Variants in AKT3 observed in about 807,000 individuals in gnomAD.
The protein encoded by AKT3 is AKT serine/threonine kinase 3.
A neutral mutation model predicts 65.3 loss-of-function variants in AKT3; 15 were observed. The ratio of observed to expected loss-of-function variants is 0.23; its 90% confidence interval spans 0.15 to 0.35. The LOEUF (loss-of-function observed/expected upper bound fraction) is 0.35, where lower values mean the gene tolerates loss of function less well. Ranked by LOEUF, AKT3 falls within the 10% of genes least tolerant of loss-of-function variation. The pLI is 1.00. For missense variants in AKT3, 243 were observed against 576.5 expected (o/e 0.42, Z 5.92); for synonymous variants, 206 against 183.8 (o/e 1.12, Z -0.98).
chr1:243,783,121 A>G (rs1691016215), intron 2 of AKT3, among the ~76,000 whole-genome samples: 1 of 152,068 alleles, frequency 6.6e-6, no homozygotes, highest in Non-Finnish European at 1.5e-5. Flanking sequence ...CTGGAGTGAC[A>G]AGAGTGTCCT....
At chr1:243,770,021 A>G (rs1558794744) in intron 2 of AKT3, among the ~76,000 whole-genome samples, 1 of 152,298 alleles carries the variant, frequency 6.6e-6, no homozygotes, top group East Asian at 1.9e-4. Context: ...TCATTCTTTT[A>G]TATGTGGAAA....
chr1:243,546,471 T>C (rs1334362976), intron 11 of AKT3: 11 of 152,198 alleles, frequency 7.2e-5, no homozygotes, highest in Non-Finnish European at 1.5e-4. Flanking sequence ...AAAATAAACC[T>C]ATTTAAATCT....
chr1:243,607,813 G>A (rs755134641), intron 8 of AKT3, among the ~76,000 whole-genome samples: 44 of 152,128 alleles, frequency 2.9e-4, no homozygotes, highest in Non-Finnish European at 5.1e-4. Flanking sequence ...GCCCTGGTGC[G>A]TAATTTAATT....
chr1:243,754,898 C>CT (rs1388763696), intron 2 of AKT3, among the ~76,000 whole-genome samples: 2 of 152,090 alleles, frequency 1.3e-5, no homozygotes, highest in Non-Finnish European at 2.9e-5. Flanking sequence ...GGACAGCCTG[C>CT]TATGACGAGG....
intron 10 of AKT3, among the ~76,000 whole-genome samples, chr1:243,558,758 G>A (rs1050697976): frequency 3.9e-5 from 6 of 151,940 alleles, no homozygotes; most frequent in African/African-American, 1.4e-4. Context: ...GTCACCATCT[G>A]CCTCTTTTTA....
chr1:243,516,637 C>G (rs1670373309), intron 12 of AKT3, among the ~76,000 whole-genome samples: 1 of 152,120 alleles, frequency 6.6e-6, no homozygotes, highest in South Asian at 2.1e-4. Flanking sequence ...ACTGAAGCCT[C>G]AAAACTCCTG....
At chr1:243,706,550 A>G (rs538533735) in intron 2 of AKT3, among the ~76,000 whole-genome samples, 3 of 152,306 alleles carry the variant, frequency 2.0e-5, no homozygotes, top group Non-Finnish European at 4.4e-5. Context: ...AGAAAAGTCT[A>G]GTAGTATGGA....
At chr1:243,773,623 GC>G (rs199649280) in intron 2 of AKT3, among the ~76,000 whole-genome samples, 1 of 151,620 alleles carries the variant, frequency 6.6e-6, no homozygotes, top group African/African-American at 2.4e-5. Flanking sequence ...AGACCCCATC[GC>G]CCCCCACAAA....
At chr1:243,719,343 A>G (rs181221102) in intron 2 of AKT3, among the ~76,000 whole-genome samples, 7 of 152,282 alleles carry the variant, frequency 4.6e-5, no homozygotes, top group Admixed American at 4.6e-4. Flanking sequence ...ATTCCCTAAC[A>G]AAACATTCCA....
At chr1:243,836,981 G>C (rs951829544) in intron 2 of AKT3, among the ~76,000 whole-genome samples, 2 of 150,640 alleles carry the variant, frequency 1.3e-5, no homozygotes, top group African/African-American at 4.9e-5. Flanking sequence ...AAAAAAGAGA[G>C]CAAGTATATA....
chr1:243,585,975 ACTAT>A (rs1188014617), intron 8 of AKT3, among the ~76,000 whole-genome samples: 2 of 152,152 alleles, frequency 1.3e-5, no homozygotes, highest in African/African-American at 4.8e-5. Context: ...ATATTCATAA[ACTAT>A]CTGACAAAGG....
chr1:243,546,063 G>A (rs1205758597), intron 11 of AKT3, among the ~76,000 whole-genome samples: 1 of 152,146 alleles, frequency 6.6e-6, no homozygotes, highest in East Asian at 1.9e-4. Context: ...GGAGGTAACT[G>A]AATCATGGGG....
intron 11 of AKT3, among the ~76,000 whole-genome samples, chr1:243,549,013 G>C (rs1291945323): frequency 2.0e-5 from 3 of 152,050 alleles, no homozygotes; most frequent in Non-Finnish European, 4.4e-5. Flanking sequence ...TTCTCCCCCT[G>C]AAACTGAGGT....
intron 6 of AKT3, chr1:243,625,146 TTTTGA>T (rs1398844307): frequency 1.7e-5 from 2 of 117,246 alleles, no homozygotes; most frequent in East Asian, 2.4e-4. Context: ...TTTTTTTTTT[TTTTGA>T]GAGGGAGTCT....
chr1:243,756,466 C>G (rs1268358031), intron 2 of AKT3, among the ~76,000 whole-genome samples: 1 of 152,128 alleles, frequency 6.6e-6, no homozygotes, highest in Non-Finnish European at 1.5e-5. Flanking sequence ...AAGGGAATCC[C>G]GCTGGCCACA....
At chr1:243,845,094 C>A (rs1490815169) in intron 1 of AKT3, among the ~76,000 whole-genome samples, 5 of 152,108 alleles carry the variant, frequency 3.3e-5, no homozygotes, top group African/African-American at 1.2e-4. Flanking sequence ...CCCAACCTAG[C>A]GCTAAATTAG....
chr1:243,830,944 C>T (rs990436950), intron 2 of AKT3, among the ~76,000 whole-genome samples: 20 of 152,268 alleles, frequency 1.3e-4, no homozygotes, highest in Admixed American at 1.2e-3. Flanking sequence ...TTTTGCTACA[C>T]AAAAATTTGA....
intron 8 of AKT3, among the ~76,000 whole-genome samples, chr1:243,576,937 G>A (rs1007464711): frequency 2.0e-5 from 3 of 152,234 alleles, no homozygotes; most frequent in Admixed American, 6.5e-5. Flanking sequence ...TAAGCAAAAA[G>A]AACAAAGCTG....
rs1224820171 is a variant in AKT3, at chr1:243,675,991, G to A, written c.173-11108C>T. On this transcript the variant is annotated intron_variant, in intron 3 of 13. Transcript: ENST00000673466. ...CCACAGTATATCAGCCAGTAACCTAGGCACTGAATAGCAGTGAACAAAACA... is the reference window on the plus strand; with the variant it reads ...CCACAGTATATCAGCCAGTAACCTAAGCACTGAATAGCAGTGAACAAAACA... Among the ~76,000 whole-genome samples, 3 of 152,142 alleles carry A rather than the reference G, an allele frequency of 2.0e-5. No homozygotes were observed. The East Asian group carries it at 5.8e-4, about 29-fold the overall frequency.
Sources: allele counts gnomAD v4.1 joint callset (sites outside exome capture counted in the v4.1 genomes callset), GRCh38; gene constraint gnomAD v4.1.1; transcripts MANE v1.5; gene names NCBI Gene and HGNC (gene_info 2026-07-23, HGNC 2026-07-21).